The following ALK variants were observed in gnomAD, a reference collection of about 807,000 sequenced individuals.
The protein encoded by ALK is ALK receptor tyrosine kinase, also known as ALK tyrosine kinase receptor.
Under a neutral mutation model 163.1 loss-of-function variants are expected in ALK, and 74 were observed. The observed-to-expected ratio is 0.45, with a 90% CI of 0.38 to 0.55. The LOEUF (loss-of-function observed/expected upper bound fraction) is 0.55, where lower values mean the gene tolerates loss of function less well. ALK is among the 20% of genes least tolerant of loss of function. The probability of loss-of-function intolerance (pLI) is 0.00; values close to 1 mark genes in which losing one functional copy is unlikely to be tolerated. For synonymous variants in ALK, 960 were observed against 843.2 expected, an observed-to-expected ratio of 1.14 and a Z score of -2.40; for missense variants, 2,063 against 2,105.3, an observed-to-expected ratio of 0.98 and a Z score of 0.39.
intron 2 of ALK, among the ~76,000 whole-genome samples, chr2:29,709,034 C>T (rs879749082): frequency 1.3e-5 from 2 of 152,164 alleles, no homozygotes; most frequent in Non-Finnish European, 2.9e-5. Flanking sequence ...CTTGATCAGT[C>T]CTTTTCCTGA....
intron 3 of ALK, among the ~76,000 whole-genome samples, chr2:29,585,867 C>A (rs1238612865): frequency 6.6e-6 from 1 of 151,766 alleles, no homozygotes; most frequent in Non-Finnish European, 1.5e-5. Context: ...TAATTATTAT[C>A]CTAAGATACA....
chr2:29,770,927 TCACA>T (rs1018236985), intron 1 of ALK, among the ~76,000 whole-genome samples: 3 of 149,618 alleles, frequency 2.0e-5, no homozygotes, highest in African/African-American at 7.4e-5. Flanking sequence ...ACACACGCAG[TCACA>T]CACACATAGA....
chr2:29,216,971 CGTGGTGTGTGTGTGGCATGTGAGGTGTGT>C (rs1484385027), intron 23 of ALK, among the ~76,000 whole-genome samples: 16 of 64,266 alleles, frequency 2.5e-4, no homozygotes, highest in African/African-American at 8.8e-4. Flanking sequence ...GTGGTGTGTG[CGTGGTGTGTGTGTGGCATGTGAGGTGTGT>C]GTGGTGTGTG....
chr2:29,690,784 A>G (rs1445301866), intron 3 of ALK, among the ~76,000 whole-genome samples: 2 of 152,220 alleles, frequency 1.3e-5, no homozygotes, highest in Non-Finnish European at 2.9e-5. Flanking sequence ...GATTGGTATC[A>G]TCTTGCTGCC....
At chr2:29,842,460 C>G (rs1172492883) in intron 1 of ALK, among the ~76,000 whole-genome samples, 4 of 152,218 alleles carry the variant, frequency 2.6e-5, no homozygotes, top group African/African-American at 9.6e-5. Context: ...ACAGCTATAT[C>G]CCACATGTCT....
At chr2:29,205,557 C>T (rs1669289833) in intron 26 of ALK, among the ~76,000 whole-genome samples, 3 of 152,212 alleles carry the variant, frequency 2.0e-5, no homozygotes, top group African/African-American at 4.8e-5. Flanking sequence ...TGTGTCCCTT[C>T]TGGAGGCTCT....
chr2:29,327,397 C>T (rs901309860), intron 6 of ALK, among the ~76,000 whole-genome samples: 1 of 152,130 alleles, frequency 6.6e-6, no homozygotes, highest in Non-Finnish European at 1.5e-5. Flanking sequence ...CTCCATAAAA[C>T]ATAATGGATG....
At chr2:29,806,998 C>G (rs1291053381) in intron 1 of ALK, among the ~76,000 whole-genome samples, 4 of 152,238 alleles carry the variant, frequency 2.6e-5, no homozygotes, top group Non-Finnish European at 4.4e-5. Context: ...TTAAAGAGAT[C>G]TTAGACAACC....
intron 4 of ALK, among the ~76,000 whole-genome samples, chr2:29,523,749 C>T (rs978495942): frequency 6.6e-6 from 1 of 152,010 alleles, no homozygotes; most frequent in African/African-American, 2.4e-5. Context: ...GTGTTCAATC[C>T]ATCAAACATC....
At chr2:29,492,195 A>G (rs922409580) in intron 4 of ALK, among the ~76,000 whole-genome samples, 3 of 152,196 alleles carry the variant, frequency 2.0e-5, no homozygotes, top group Non-Finnish European at 2.9e-5. Flanking sequence ...TGACAACACT[A>G]TATTTAATGT....
intron 3 of ALK, among the ~76,000 whole-genome samples, chr2:29,534,987 G>C (rs12104596): frequency 5.3e-5 from 8 of 152,172 alleles, no homozygotes; most frequent in African/African-American, 1.9e-4. Flanking sequence ...CTCTTCATCA[G>C]CAGCTTTCCT....
At chr2:29,416,765 G>C (rs1485960729) in intron 4 of ALK, among the ~76,000 whole-genome samples, 1 of 152,070 alleles carries the variant, frequency 6.6e-6, no homozygotes, top group African/African-American at 2.4e-5. Context: ...TTCAAATCCA[G>C]ACTCCCCAAC....
chr2:29,811,446 A>C (rs1027685494), intron 1 of ALK, among the ~76,000 whole-genome samples: 4 of 152,176 alleles, frequency 2.6e-5, no homozygotes, highest in Admixed American at 2.0e-4. Context: ...TCTCAAGAGA[A>C]GAGGATTAGA....
intron 4 of ALK, among the ~76,000 whole-genome samples, chr2:29,495,268 G>T (rs563356228): frequency 3.3e-5 from 5 of 152,232 alleles, no homozygotes; most frequent in African/African-American, 1.2e-4. Flanking sequence ...TGGCTCTCTG[G>T]CTTCTGGTTG....
chr2:29,701,258 C>A (rs1169297979), intron 2 of ALK, among the ~76,000 whole-genome samples: 1 of 152,210 alleles, frequency 6.6e-6, no homozygotes, highest in African/African-American at 2.4e-5. Context: ...AACCCAGAGA[C>A]TAGTTTCCTA....
chr2:29,354,566 C>T (rs972501124), intron 5 of ALK, among the ~76,000 whole-genome samples: 3 of 142,860 alleles, frequency 2.1e-5, no homozygotes, highest in African/African-American at 5.3e-5. Context: ...CTTCTTCATC[C>T]TTCTTCTCAA....
chr2:29,239,864 T>C (rs1664479131), intron 12 of ALK, 34 bp from the exon 13 acceptor site: 2 of 1,605,318 alleles, frequency 1.2e-6, no homozygotes, highest in Non-Finnish European at 1.7e-6. Context: ...GCTCCCGCTG[T>C]GGTATGAAGA....
At chr2:29,763,020 G>A (rs1049393399) in intron 1 of ALK, among the ~76,000 whole-genome samples, 3 of 150,984 alleles carry the variant, frequency 2.0e-5, no homozygotes, top group African/African-American at 7.3e-5. Context: ...CAGGGAGGCG[G>A]AGGTTGCAGT....
chr2:29,422,718 C>T (rs559669464), intron 4 of ALK, among the ~76,000 whole-genome samples: 253 of 152,258 alleles, frequency 1.7e-3, no homozygotes, highest in Non-Finnish European at 2.8e-3. Flanking sequence ...GCTGCTATTT[C>T]TTCATGAGAG....
Sources: gnomAD v4.1 joint callset for allele counts (sites outside exome capture counted in the v4.1 genomes callset) on GRCh38, gnomAD v4.1.1 for gene constraint, MANE v1.5 for transcripts, NCBI Gene and HGNC (gene_info 2026-07-23, HGNC 2026-07-21) for gene names.